The following DISP2 variants were observed in gnomAD, a reference collection of about 807,000 sequenced individuals.
DISP2 encodes the protein dispatched RND transporter family member 2, also known as protein dispatched homolog 2.
A neutral mutation model predicts 95.5 loss-of-function variants in DISP2; 59 were observed. The observed-to-expected ratio is 0.62, with a 90% confidence interval of 0.50 to 0.77. The LOEUF (loss-of-function observed/expected upper bound fraction) is 0.77, where lower values mean the gene tolerates loss of function less well. Among genes scored for constraint, DISP2 ranks in the 30% least tolerant of loss-of-function variants. The probability of loss-of-function intolerance (pLI) is 0.00; values close to 1 mark genes in which losing one functional copy is unlikely to be tolerated. For synonymous variants in DISP2, 827 were observed against 815.0 expected (o/e 1.01, Z -0.25); for missense variants, 1,752 against 1,854.6 (o/e 0.94, Z 1.02).
intron 7 of DISP2, 98 bp from the exon 8 acceptor site, chr15:40,366,960 T>G (rs746816637): frequency 5.8e-5 from 86 of 1,478,248 alleles, no homozygotes; most frequent in Non-Finnish European, 7.7e-5. Flanking sequence ...GCGCTTGCCC[T>G]GTAGTGTGAA....
Position 40,368,081 on chromosome 15 carries a change from CG to C in DISP2, c.1973del (p.Gly658AlafsTer139). On this transcript the variant is annotated frameshift_variant, in exon 8 of 8. Transcript: ENST00000267889. LOFTEE classifies it high-confidence loss of function. ...YLARGCARRA[R>X]GRWEGSAPRR... is the part of the protein sequence containing the mutation. Reference sequence around the variant, plus strand: ...GGCGCGCGGCTGTGCGCGCCGGGCGCGGGGCCGGTGGGAGGGCAGCGCGCCC... The same window carrying C: ...GGCGCGCGGCTGTGCGCGCCGGGCGCGGGCCGGTGGGAGGGCAGCGCGCCC... 7.1e-7 allele frequency: 1 copy of C among 1,401,348 alleles called. No homozygotes were observed. Among genetic ancestry groups the C allele is most frequent in the Non-Finnish European group, 9.2e-7 (1 of 1,085,762 alleles). The allele number at this position is 1,401,348 out of a possible 1,614,324, so 86.8% of individuals were successfully genotyped here.
At chr15:40,364,334 C>T in intron 3 of DISP2, 79 bp downstream of exon 3, 1 of 1,613,386 alleles carries the variant, frequency 6.2e-7, no homozygotes, top group Non-Finnish European at 8.5e-7. Context: ...GCTCTCTGCT[C>T]TATCTAGCAC....
At chr15:40,366,698 TC>T (rs776307805) in intron 7 of DISP2, among the ~76,000 whole-genome samples, 1 of 152,216 alleles carries the variant, frequency 6.6e-6, no homozygotes, top group Non-Finnish European at 1.5e-5. Flanking sequence ...CCTCCACTCT[TC>T]CCATTGCTTG....
rs545991265 is a variant in DISP2, at chr15:40,365,617, G to T, written c.848-11G>T. 6.2e-7 allele frequency: 1 copy of T among 1,613,984 alleles called. No homozygotes were observed. Among genetic ancestry groups the T allele is most frequent in the African/African-American group, 1.3e-5 (1 of 74,914 alleles). On this transcript the variant is annotated splice_polypyrimidine_tract_variant and intron_variant, in intron 6 of 7. Transcript: ENST00000267889. ...AAGGACTGAGCTCCAGGTTGCGGGG[G>T]TATGTTGCAGAGAAGAGCTATGCAA...
At position 40,369,780 on chromosome 15, in the gene DISP2, C is replaced by T; in HGVS notation, c.3668C>T (p.Ala1223Val). 3 of 1,604,602 alleles carry T rather than the reference C, an allele frequency of 1.9e-6. No individual in the cohort carries two copies. The highest frequency in any genetic ancestry group is 1.7e-6 in the Non-Finnish European group (2 of 1,175,710). ...AGGGAGCTGCTGCTGGACCACCAGG[C>T]AGTCTTCAGCCAGTGCCCTGCCCTG... ...SPRELLLDHQAVFSQCPALQT... is the reference protein window; with the variant it reads ...SPRELLLDHQVVFSQCPALQT... The change falls in exon 8 of 8, where the codon GCA becomes GTA. Residue 1223 changes from alanine to valine, a missense_variant. Physicochemically the swap from Ala to Val is moderately conservative, Grantham distance 64. Transcript: ENST00000267889.
Position 40,377,013 on chromosome 15 carries a change from G to A in DISP2, c.*6695G>A, listed in dbSNP as rs1020348857. The stretch of plus-strand genomic sequence containing the variant: ...TAAAATGGAATAACTTTAATCTGCA[G>A]CTCCACAGTTTGAACAAAAACAGAC... On this transcript the variant is annotated 3_prime_UTR_variant, in exon 8 of 8. Transcript: ENST00000267889. 3 of 152,268 alleles carry A rather than the reference G, an allele frequency of 2.0e-5. No homozygotes were observed. The highest frequency in any genetic ancestry group is 2.1e-4 in the South Asian group (1 of 4,832). The allele number at this position is 152,268 out of a possible 1,614,324, so 9.4% of individuals were successfully genotyped here. A position where few individuals can be genotyped will look rare whatever the true frequency, so the allele number is the denominator to read the frequency against.
At chr15:40,360,125 C>G (rs182442767) in intron 1 of DISP2, among the ~76,000 whole-genome samples, 1 of 152,294 alleles carries the variant, frequency 6.6e-6, no homozygotes, top group East Asian at 1.9e-4. Context: ...ATGCTGGCCT[C>G]TTAAATGAGG....
intron 1 of DISP2, among the ~76,000 whole-genome samples, chr15:40,363,069 C>G (rs968593618): frequency 6.6e-6 from 1 of 151,574 alleles, no homozygotes; most frequent in South Asian, 2.1e-4. Flanking sequence ...TTTGGGAGGC[C>G]GAGGCAGGCG....
chr15:40,361,865 G>T (rs8026523), intron 1 of DISP2, among the ~76,000 whole-genome samples: 13,473 of 152,206 alleles, frequency 0.089, 805 homozygotes, highest in Non-Finnish European at 0.13. Flanking sequence ...ACAAACTCTG[G>T]TGAGCAGGCT....
chr15:40,363,166 G>T (rs912143946), intron 1 of DISP2, among the ~76,000 whole-genome samples: 12 of 149,754 alleles, frequency 8.0e-5, no homozygotes, highest in Non-Finnish European at 1.6e-4. Context: ...AAAAAAATTA[G>T]CGAGTCGTGA....
chr15:40,369,143 G>C lies in DISP2; in HGVS notation c.3031G>C (p.Glu1011Gln). The stretch of plus-strand genomic sequence containing the variant: ...CACTGTAGGACTCCTGGTTCTCCTC[G>C]AGTGGCAGCTCAACACTGCCGAGGC... ...LLTVGLLVLLEWQLNTAEALF... is the reference protein window; with the variant it reads ...LLTVGLLVLLQWQLNTAEALF... Residue 1011 changes from glutamate (E) to glutamine (Q), a missense_variant, in exon 8 of 8, where the codon GAG becomes CAG. Coordinates refer to ENST00000267889, the MANE Select transcript of DISP2 (RefSeq NM_033510.3). 1 of 1,613,882 alleles carries C rather than the reference G, an allele frequency of 6.2e-7. No homozygotes were observed. Among genetic ancestry groups the C allele is most frequent in the Non-Finnish European group, 8.5e-7 (1 of 1,180,032 alleles).
In DISP2 at chr15:40,364,248, C is replaced by G. The variant is rs762527618; in HGVS notation, c.472C>G (p.Pro158Ala). 6.2e-7 allele frequency: 1 copy of G among 1,614,184 alleles called. No individual in the cohort carries two copies. Among genetic ancestry groups the G allele is most frequent in the Non-Finnish European group, 8.5e-7 (1 of 1,180,034 alleles). ...SVRQERAFQM[P>A]KSYSQLIAEW... is the part of the protein sequence containing the mutation. ...CAGGCAGGAACGAGCCTTCCAGATGCCAAAGAGGTAGGCCTGGGCCTTCCC... is the reference window on the plus strand; with the variant it reads ...CAGGCAGGAACGAGCCTTCCAGATGGCAAAGAGGTAGGCCTGGGCCTTCCC... Residue 158 changes from proline to alanine, a missense_variant, in exon 3 of 8, where the codon CCA (proline) becomes GCA (alanine). Around this residue, in one of 5 missense-constraint regions of DISP2, gnomAD observed 342 missense variants for 364.3 expected, o/e 0.94. Coordinates refer to ENST00000267889, the MANE Select transcript of DISP2 (RefSeq NM_033510.3).
rs183775254 is a variant in DISP2, at chr15:40,358,463, T to C, written c.119+23T>C. 4.1e-3 allele frequency: 5,129 copies of C among 1,262,480 alleles called. 573 individuals are homozygous for C. The Admixed American group carries it at 0.18, about 45-fold the overall frequency. 78.2% of individuals were successfully genotyped at this position (1,262,480 alleles called of 1,614,324 possible). ...CAGGTAGGGCGGACAGCTCCGCAGA[T>C]CCGTATCACAGACCCTCCCAGACCC... is the stretch of plus-strand genomic sequence containing the variant. On this transcript the variant is annotated intron_variant, in intron 1 of 7. Transcript: ENST00000267889.
chr15:40,367,991 C>CCA lies in DISP2; in HGVS notation c.1879_1880insCA (p.Leu627ProfsTer171). The stretch of plus-strand genomic sequence containing the variant: ...CGCCCTCTTCATGGGCACGGCTGTG[C>CCA]TGGTGCACCTGGCGCTCACGCTGGT... On this transcript the variant is annotated frameshift_variant, in exon 8 of 8. Coordinates refer to ENST00000267889, the MANE Select transcript of DISP2 (RefSeq NM_033510.3). LOFTEE classifies it high-confidence loss of function. 6.5e-7 allele frequency: 1 copy of CCA among 1,544,822 alleles called. No individual in the cohort carries two copies.
Position 40,368,846 on chromosome 15 carries a change from C to G in DISP2, c.2734C>G (p.Arg912Gly). The G allele has an allele frequency of 6.2e-7, 1 of 1,614,028 alleles. No homozygotes were observed. The highest frequency in any genetic ancestry group is 8.5e-7 in the Non-Finnish European group (1 of 1,180,052). Residue 912 changes from arginine (R) to glycine (G), a missense_variant, in exon 8 of 8, where the codon CGG becomes GGG. By Grantham distance (125) the Arg-to-Gly change is moderately radical. Around this residue, in one of 5 missense-constraint regions of DISP2, gnomAD observed 317 missense variants for 394.9 expected, o/e 0.80. Coordinates refer to ENST00000267889, the MANE Select transcript of DISP2 (RefSeq NM_033510.3). Reference sequence around the variant, plus strand: ...GGTCCTACAATTCCAGACCAACTTCCGGAACAGTCCGGACTACAACCAGAC... The same window carrying G: ...GGTCCTACAATTCCAGACCAACTTCGGGAACAGTCCGGACTACAACCAGAC... ...ALVLQFQTNF[R>G]NSPDYNQTQL... is the part of the protein sequence containing the mutation.
chr15:40,368,789 C>T lies in DISP2; in HGVS notation c.2677C>T (p.Arg893Cys), dbSNP rs1300005804. 1.9e-6 allele frequency: 3 copies of T among 1,613,900 alleles called. No individual in the cohort carries two copies. Among genetic ancestry groups the T allele is most frequent in the South Asian group, 2.2e-5 (2 of 91,088 alleles). ...CGATGGCACCCAGGACCTGGGACTC[C>T]GCTTTGATGCCCATGGCAGCCTGGC... ...GPDGTQDLGL[R>C]FDAHGSLAAL... is the part of the protein sequence containing the mutation. Residue 893 changes from arginine to cysteine, a missense_variant, in exon 8 of 8, where the codon CGC becomes TGC. Coordinates refer to ENST00000267889, the MANE Select transcript of DISP2 (RefSeq NM_033510.3).
chr15:40,365,412 G>A (rs1288740409), intron 6 of DISP2, 138 bp downstream of exon 6: 1 of 1,450,966 alleles, frequency 6.9e-7, no homozygotes, highest in Non-Finnish European at 9.3e-7. Context: ...AGGAAGCCGG[G>A]TTACAGCTGG....
In DISP2 at chr15:40,363,949, C is replaced by T. The variant is rs769496877; in HGVS notation, c.444C>T (p.Ser148=). 42 of 1,526,572 alleles carry T rather than the reference C, an allele frequency of 2.8e-5. No individual in the cohort carries two copies. Among genetic ancestry groups the T allele is most frequent in the Middle Eastern group, 3.8e-4 (2 of 5,226 alleles). The allele number at this position is 1,526,572 out of a possible 1,614,324, so 94.6% of individuals were successfully genotyped here. A position where few individuals can be genotyped will look rare whatever the true frequency, so the allele number is the denominator to read the frequency against. The change falls in exon 2 of 8, where the codon AGC becomes AGT. Residue 148 remains serine, a synonymous_variant. Transcript: ENST00000267889. ...CCGCTGTGCAGCACCATGTGGTCAG[C>T]GTCAGGTAAGGAGGGGTCCAGCAGC... ...KPPAVQHHVV[S]VRQERAFQMP... is the part of the protein sequence containing the mutation.
In DISP2 at chr15:40,377,590, CTGAGGTGAGGGGAT is replaced by C; in HGVS notation, c.*7273_*7286del. On this transcript the variant is annotated 3_prime_UTR_variant, in exon 8 of 8. Coordinates refer to ENST00000267889, the MANE Select transcript of DISP2 (RefSeq NM_033510.3). ...GAGAACCCAGGCAAAGCAAGTGACT[CTGAGGTGAGGGGAT>C]AGCTGGGAGTGTGGAGCAGCCAAGC... The C allele has an allele frequency of 6.6e-6, 1 of 152,382 alleles. No individual in the cohort carries two copies. The highest frequency in any genetic ancestry group is 1.5e-5 in the Non-Finnish European group (1 of 68,186). The allele number at this position is 152,382 out of a possible 1,614,324, so 9.4% of individuals were successfully genotyped here.
Sources: gnomAD v4.1 joint callset for allele counts (sites outside exome capture counted in the v4.1 genomes callset) on GRCh38, gnomAD v4.1.1 for gene constraint, gnomAD v4.1.1 regional missense constraint, MANE v1.5 for transcripts, NCBI Gene and HGNC (gene_info 2026-07-23, HGNC 2026-07-21) for gene names.